FRRS1: variants seen among roughly 807,000 people sequenced by gnomAD.
The protein encoded by FRRS1 is ferric reductase 1.
Under a neutral mutation model 70.7 loss-of-function variants are expected in FRRS1, and 51 were observed. The observed-to-expected ratio is 0.72, with a 90% CI of 0.58 to 0.91. FRRS1 has a LOEUF of 0.91. Ranked by LOEUF, FRRS1 falls within the 40% of genes least tolerant of loss-of-function variation. FRRS1 has a pLI of 0.00. For synonymous variants in FRRS1, 225 were observed against 238.7 expected (o/e 0.94, Z 0.53); for missense variants, 672 against 726.0 (o/e 0.93, Z 0.86).
rs555029693 is a variant in FRRS1 at position 99,757,971 on chromosome 1, T to A, written c.-106+8636A>T. Among the ~76,000 whole-genome samples, 7 of 149,076 alleles carry A rather than the reference T, an allele frequency of 4.7e-5. No homozygotes were observed. The South Asian group carries it at 1.3e-3, about 27-fold the overall frequency. On this transcript the variant is annotated intron_variant, in intron 1 of 16. Coordinates refer to ENST00000646001, the MANE Select transcript of FRRS1 (RefSeq NM_001361041.2). Reference sequence around the variant, plus strand: ...GGAGGAAAAAAAAAAAAACACAGAATCACAAAAACAGTCTATTGTCTGTGC... The same window carrying A: ...GGAGGAAAAAAAAAAAAACACAGAAACACAAAAACAGTCTATTGTCTGTGC...
intron 9 of FRRS1, among the ~76,000 whole-genome samples, chr1:99,723,113 T>C (rs1209677951): frequency 3.9e-5 from 6 of 152,144 alleles, no homozygotes; most frequent in African/African-American, 1.4e-4. Flanking sequence ...TGAAGATATG[T>C]AGAAAACCAT....
intron 7 of FRRS1, among the ~76,000 whole-genome samples, chr1:99,732,644 T>C (rs1655449686): frequency 1.3e-5 from 2 of 152,120 alleles, no homozygotes; most frequent in South Asian, 2.1e-4. Flanking sequence ...TATAGAAATA[T>C]GAAAATTTTA....
chr1:99,710,194 G>A lies in FRRS1; in HGVS notation c.1624+612C>T, dbSNP rs376074709. On this transcript the variant is annotated intron_variant, in intron 15 of 16. Coordinates refer to ENST00000646001, the MANE Select transcript of FRRS1 (RefSeq NM_001361041.2). ...CACTTATTTTGGTGGATGAAAACCA[G>A]GCAGGACACAAAGGACATTTAGCCT... is the stretch of plus-strand genomic sequence containing the variant. Among the ~76,000 whole-genome samples the A allele has an allele frequency of 9.2e-5, 14 of 152,172 alleles. No homozygotes were observed. In the East Asian group the frequency reaches 1.5e-3, roughly 17 times the overall value.
chr1:99,736,109 C>T (rs1407804220), intron 7 of FRRS1, among the ~76,000 whole-genome samples: 7 of 152,208 alleles, frequency 4.6e-5, no homozygotes, highest in Admixed American at 6.5e-5. Flanking sequence ...GCACTACCAC[C>T]ACCTATCATT....
At chr1:99,738,746 T>C (rs6577129) in intron 6 of FRRS1, among the ~76,000 whole-genome samples, 26,456 of 152,086 alleles carry the variant, frequency 0.17, 3,862 homozygotes, top group African/African-American at 0.39. Context: ...TATATTTAGG[T>C]TGTGGATTCT....
intron 10 of FRRS1, among the ~76,000 whole-genome samples, chr1:99,718,801 T>C (rs1156461211): frequency 6.6e-6 from 1 of 152,154 alleles, no homozygotes; most frequent in African/African-American, 2.4e-5. Context: ...TTATAATTAA[T>C]CAAAATCACA....
chr1:99,742,096 C>A, intron 5 of FRRS1, 83 bp downstream of exon 5: 1 of 827,762 alleles, frequency 1.2e-6, no homozygotes, highest in Non-Finnish European at 2.0e-6. Context: ...CTCAAGTGAT[C>A]CACCACCTTG....
intron 7 of FRRS1, among the ~76,000 whole-genome samples, chr1:99,735,053 A>C (rs6577125): frequency 0.49 from 75,148 of 152,158 alleles, 22,572 homozygotes; most frequent in African/African-American, 0.85. Context: ...AGGTATGTAC[A>C]GTACATCTTC....
intron 3 of FRRS1, chr1:99,747,803 A>G (rs566524840): frequency 1.1e-3 from 170 of 159,268 alleles, no homozygotes; most frequent in Non-Finnish European, 1.8e-3. Context: ...GAATTTACCT[A>G]TAAACAAACC....
At chr1:99,754,898 G>T (rs2100994711) in intron 1 of FRRS1, among the ~76,000 whole-genome samples, 1 of 152,220 alleles carries the variant, frequency 6.6e-6, no homozygotes, top group Non-Finnish European at 1.5e-5. Context: ...AATGCCAGGA[G>T]CTACTGAGTA....
chr1:99,726,446 G>A (rs1177373292), intron 9 of FRRS1, among the ~76,000 whole-genome samples: 1 of 152,150 alleles, frequency 6.6e-6, no homozygotes, highest in East Asian at 1.9e-4. Context: ...AGCAACCTGG[G>A]TTTAATTCCT....
intron 7 of FRRS1, among the ~76,000 whole-genome samples, chr1:99,735,048 T>C (rs1431128056): frequency 2.6e-5 from 4 of 152,240 alleles, no homozygotes; most frequent in Non-Finnish European, 2.9e-5. Context: ...GAAAGAGGTA[T>C]GTACAGTACA....
Position 99,728,583 on chromosome 1 carries a change from T to C in FRRS1, c.916A>G (p.Arg306Gly). Residue 306 changes from arginine to glycine, a missense_variant, in exon 9 of 17, where the codon AGA becomes GGA. Physicochemically the swap from Arg to Gly is moderately radical, Grantham distance 125 (BLOSUM62 -2). Coordinates refer to ENST00000646001, the MANE Select transcript of FRRS1 (RefSeq NM_001361041.2). ...ACTCCAGGAAGGGTAATGTTTCTTC[T>C]GAAAGAACACTGCATAACACCGTCC... Reference protein sequence around the residue: ...LADGVMQCSFRRNITLPGVKN... With the variant: ...LADGVMQCSFGRNITLPGVKN... The C allele has an allele frequency of 6.2e-7, 1 of 1,613,958 alleles. No individual in the cohort carries two copies. Among genetic ancestry groups the C allele is most frequent in the Non-Finnish European group, 8.5e-7 (1 of 1,179,826 alleles).
chr1:99,710,952 A>G lies in FRRS1; in HGVS notation c.1481-3T>C. ...CATTCCCAGGAACATCGCTGCCACT[A>G]CATACAAAAGAAAAAAGTTACATTC... is the stretch of plus-strand genomic sequence containing the variant. On this transcript the variant is annotated splice_polypyrimidine_tract_variant and splice_region_variant and intron_variant, in intron 14 of 16. Coordinates refer to ENST00000646001, the MANE Select transcript of FRRS1 (RefSeq NM_001361041.2). The G allele has an allele frequency of 6.2e-7, 1 of 1,611,370 alleles. No homozygotes were observed. The highest frequency in any genetic ancestry group is 1.1e-5 in the South Asian group (1 of 90,656).
chr1:99,717,552 G>A (rs547184972), intron 10 of FRRS1, 27 bp from the exon 11 acceptor site: 1 of 1,450,508 alleles, frequency 6.9e-7, no homozygotes, highest in East Asian at 2.3e-5. Context: ...TGCAATAGTA[G>A]ACAATCACAA....
chr1:99,717,552 G>T, intron 10 of FRRS1, 27 bp from the exon 11 acceptor site: 1 of 1,450,508 alleles, frequency 6.9e-7, no homozygotes, highest in South Asian at 1.1e-5. Context: ...TGCAATAGTA[G>T]ACAATCACAA....
intron 1 of FRRS1, among the ~76,000 whole-genome samples, chr1:99,753,750 C>T (rs538204943): frequency 6.6e-6 from 1 of 151,550 alleles, no homozygotes; most frequent in South Asian, 2.1e-4. Context: ...CCAGCCTGGG[C>T]AACAGAGCAA....
At chr1:99,752,846 T>G (rs902628818) in intron 1 of FRRS1, among the ~76,000 whole-genome samples, 1 of 152,144 alleles carries the variant, frequency 6.6e-6, no homozygotes, top group Non-Finnish European at 1.5e-5. Context: ...GGAAAAATGG[T>G]GCCAACAGAC....
chr1:99,725,857 T>C (rs940179019), intron 9 of FRRS1, among the ~76,000 whole-genome samples: 22 of 152,248 alleles, frequency 1.4e-4, no homozygotes, highest in Non-Finnish European at 2.9e-4. Context: ...AATTCCTCCA[T>C]TTAAATGAAA....
Sources: allele counts gnomAD v4.1 joint callset (sites outside exome capture counted in the v4.1 genomes callset), GRCh38; gene constraint gnomAD v4.1.1; transcripts MANE v1.5; gene names NCBI Gene and HGNC (gene_info 2026-07-23, HGNC 2026-07-21).